The following GALNT17 variants were observed in gnomAD, a reference collection of about 807,000 sequenced individuals.
The protein encoded by GALNT17 is polypeptide N-acetylgalactosaminyltransferase 17.
A neutral mutation model predicts 63.7 loss-of-function variants in GALNT17; 29 were observed. The ratio of observed to expected loss-of-function variants is 0.46; its 90% confidence interval spans 0.34 to 0.62. GALNT17 has a LOEUF of 0.62. Among genes scored for constraint, GALNT17 ranks in the 20% least tolerant of loss-of-function variants. GALNT17 has a pLI of 0.01. For missense variants in GALNT17, 603 were observed against 799.6 expected (o/e 0.75, Z 2.97); for synonymous variants, 305 against 318.3 (o/e 0.96, Z 0.45).
At chr7:71,194,105 A>G (rs1022276346) in intron 1 of GALNT17, among the ~76,000 whole-genome samples, 2 of 152,016 alleles carry the variant, frequency 1.3e-5, no homozygotes, top group African/African-American at 2.4e-5. Context: ...GAGTGCAATG[A>G]TGCAATCAGA....
chr7:71,312,378 A>G (rs1791427031), intron 1 of GALNT17, among the ~76,000 whole-genome samples: 1 of 152,134 alleles, frequency 6.6e-6, no homozygotes, highest in African/African-American at 2.4e-5. Context: ...TTATCATCCT[A>G]TTTACCTGCA....
At chr7:71,274,505 C>T (rs998179349) in intron 1 of GALNT17, among the ~76,000 whole-genome samples, 1 of 152,140 alleles carries the variant, frequency 6.6e-6, no homozygotes, top group Non-Finnish European at 1.5e-5. Context: ...GTCTTGAAGT[C>T]CTGGCCTCAA....
chr7:71,657,884 GGATGGA>G (rs1562725253), intron 6 of GALNT17, among the ~76,000 whole-genome samples: 9 of 22,644 alleles, frequency 4.0e-4, no homozygotes, highest in African/African-American at 1.3e-3. Context: ...ATGGATGGAT[GGATGGA>G]TGGATGGATG....
chr7:71,380,786 C>T (rs1439236929), intron 2 of GALNT17, among the ~76,000 whole-genome samples: 2 of 151,966 alleles, frequency 1.3e-5, no homozygotes, highest in African/African-American at 4.8e-5. Context: ...ACTCAGCTTC[C>T]ATCAAGAGAG....
intron 5 of GALNT17, among the ~76,000 whole-genome samples, chr7:71,436,205 T>C (rs2116503201): frequency 6.6e-6 from 1 of 151,968 alleles, no homozygotes; most frequent in African/African-American, 2.4e-5. Flanking sequence ...ACCCACCGGG[T>C]GGTTACATGG....
chr7:71,582,551 A>G (rs1789651928), intron 6 of GALNT17, among the ~76,000 whole-genome samples: 1 of 152,136 alleles, frequency 6.6e-6, no homozygotes, highest in South Asian at 2.1e-4. Context: ...ACTGCACTCC[A>G]GCCTGGTGAC....
At position 71,201,769 on chromosome 7, in the gene GALNT17, T is replaced by C. The variant is rs908399686; in HGVS notation, c.238+68729T>C. Among the ~76,000 whole-genome samples the C allele has an allele frequency of 3.9e-5, 6 of 151,978 alleles. No homozygotes were observed. The South Asian group carries it at 1.2e-3, about 32-fold the overall frequency. On this transcript the variant is annotated intron_variant, in intron 1 of 10. Coordinates refer to ENST00000333538, the MANE Select transcript of GALNT17 (RefSeq NM_022479.3). ...CCCTCACCCTTCCGAGTCGCTGGGA[T>C]TACAGGCACACGCCACCACACCCAG...
intron 6 of GALNT17, among the ~76,000 whole-genome samples, chr7:71,624,932 G>A (rs1790349394): frequency 6.6e-6 from 1 of 152,128 alleles, no homozygotes; most frequent in South Asian, 2.1e-4. Flanking sequence ...ATCGTGCCAT[G>A]TGATGTGTCC....
At chr7:71,318,714 C>A (rs1791547229) in intron 1 of GALNT17, among the ~76,000 whole-genome samples, 1 of 152,158 alleles carries the variant, frequency 6.6e-6, no homozygotes, top group Non-Finnish European at 1.5e-5. Flanking sequence ...AGATGTGAGC[C>A]ACCTCTTGCG....
chr7:71,379,565 G>A (rs538620551), intron 2 of GALNT17, among the ~76,000 whole-genome samples: 28 of 152,130 alleles, frequency 1.8e-4, no homozygotes, highest in Admixed American at 5.2e-4. Context: ...GAGGAGAAGG[G>A]ACAAATGTCA....
At chr7:71,555,741 C>T (rs1006663599) in intron 5 of GALNT17, among the ~76,000 whole-genome samples, 4 of 150,630 alleles carry the variant, frequency 2.7e-5, no homozygotes, top group Non-Finnish European at 4.4e-5. Flanking sequence ...AAGATTCCCT[C>T]GTTGATCCTA....
intron 5 of GALNT17, among the ~76,000 whole-genome samples, chr7:71,469,607 A>G (rs1364878482): frequency 6.6e-6 from 1 of 152,200 alleles, no homozygotes; most frequent in Non-Finnish European, 1.5e-5. Context: ...TTATTTGAAC[A>G]TGGTTGGAAC....
chr7:71,458,851 T>C (rs1231764881), intron 5 of GALNT17, among the ~76,000 whole-genome samples: 1 of 151,950 alleles, frequency 6.6e-6, no homozygotes, highest in Non-Finnish European at 1.5e-5. Context: ...GTTCGTCTGC[T>C]CCGGGAGCTG....
At chr7:71,309,880 G>A (rs1791384420) in intron 1 of GALNT17, among the ~76,000 whole-genome samples, 1 of 152,146 alleles carries the variant, frequency 6.6e-6, no homozygotes, top group Non-Finnish European at 1.5e-5. Context: ...ATTTGGCTAT[G>A]TCCCCACCCA....
intron 5 of GALNT17, among the ~76,000 whole-genome samples, chr7:71,533,724 G>A (rs1788756501): frequency 6.6e-6 from 1 of 152,174 alleles, no homozygotes; most frequent in Admixed American, 6.6e-5. Flanking sequence ...AGATCTGGTT[G>A]CTCACGGAAA....
intron 1 of GALNT17, among the ~76,000 whole-genome samples, chr7:71,246,377 T>C (rs1360635884): frequency 1.3e-5 from 2 of 151,568 alleles, no homozygotes; most frequent in Non-Finnish European, 2.9e-5. Context: ...CCTGCCTTGG[T>C]CTTCCAAAAT....
chr7:71,517,274 C>T (rs756137004), intron 5 of GALNT17, among the ~76,000 whole-genome samples: 1 of 152,142 alleles, frequency 6.6e-6, no homozygotes, highest in African/African-American at 2.4e-5. Context: ...AGAGGGAGGG[C>T]TCCAGTCCTT....
rs146826148 is a variant in GALNT17 at position 71,529,030 on chromosome 7, G to T, written c.963-42255G>T. ...AGTGCCTGTAGACCCAGCTACTAAG[G>T]AGGCTGAATTGGGAGAATCACTTGA... is the stretch of plus-strand genomic sequence containing the variant. On this transcript the variant is annotated intron_variant, in intron 5 of 10. Coordinates refer to ENST00000333538, the MANE Select transcript of GALNT17 (RefSeq NM_022479.3). Among the ~76,000 whole-genome samples, 459 of 152,210 alleles carry T rather than the reference G, an allele frequency of 3.0e-3. 3 individuals carry two copies. The highest frequency in any genetic ancestry group is 5.6e-3 in the Admixed American group (85 of 15,276).
chr7:71,267,089 G>A (rs1583814081), intron 1 of GALNT17, among the ~76,000 whole-genome samples: 1 of 152,182 alleles, frequency 6.6e-6, no homozygotes, highest in African/African-American at 2.4e-5. Context: ...CCGAAGCAAC[G>A]TGCTTTCCAG....
Sources: gnomAD v4.1 joint callset for allele counts (sites outside exome capture counted in the v4.1 genomes callset) on GRCh38, gnomAD v4.1.1 for gene constraint, MANE v1.5 for transcripts, NCBI Gene and HGNC (gene_info 2026-07-23, HGNC 2026-07-21) for gene names.